VWA3B: variants seen among roughly 807,000 people sequenced by gnomAD.
VWA3B encodes von Willebrand factor A domain containing 3B.
A neutral mutation model predicts 158.3 loss-of-function variants in VWA3B; 138 were observed. The observed-to-expected ratio is 0.87, with a 90% CI of 0.76 to 1.00. The LOEUF (loss-of-function observed/expected upper bound fraction) is 1.00, where lower values mean the gene tolerates loss of function less well. Among genes scored for constraint, VWA3B ranks in the 50% least tolerant of loss-of-function variants. The pLI is 0.00. For missense variants in VWA3B, 1,555 were observed against 1,565.1 expected, an observed-to-expected ratio of 0.99 and a Z score of 0.11; for synonymous variants, 596 against 587.3, an observed-to-expected ratio of 1.01 and a Z score of -0.21.
chr2:98,280,243 G>A (rs1042455958), intron 22 of VWA3B, among the ~76,000 whole-genome samples: 2 of 152,062 alleles, frequency 1.3e-5, no homozygotes, highest in African/African-American at 4.8e-5. Flanking sequence ...CTGAGATGAC[G>A]TTGCAGGTTT....
intron 7 of VWA3B, among the ~76,000 whole-genome samples, chr2:98,143,086 CTGG>C (rs1201959355): frequency 1.3e-5 from 2 of 152,148 alleles, no homozygotes; most frequent in East Asian, 1.9e-4. Flanking sequence ...GTCACCCAGG[CTGG>C]AGTGCAGTGG....
chr2:98,136,282 A>C (rs1449327632), intron 7 of VWA3B, among the ~76,000 whole-genome samples: 3 of 152,198 alleles, frequency 2.0e-5, no homozygotes, highest in Non-Finnish European at 4.4e-5. Context: ...CTGACAGTTC[A>C]CTAGTGTTAA....
At chr2:98,154,435 G>A (rs1038667607) in intron 7 of VWA3B, among the ~76,000 whole-genome samples, 5 of 152,068 alleles carry the variant, frequency 3.3e-5, no homozygotes, top group Admixed American at 6.5e-5. Flanking sequence ...TTCCCTTAGC[G>A]CACACATTTA....
At chr2:98,108,947 A>G (rs1282747310) in intron 2 of VWA3B, among the ~76,000 whole-genome samples, 3 of 150,422 alleles carry the variant, frequency 2.0e-5, no homozygotes, top group African/African-American at 4.9e-5. Context: ...TGGGTTACCT[A>G]AACACTTTTT....
intron 24 of VWA3B, among the ~76,000 whole-genome samples, chr2:98,298,715 G>T (rs918095977): frequency 6.6e-6 from 1 of 152,360 alleles, no homozygotes; most frequent in East Asian, 1.9e-4. Flanking sequence ...TGGAACACAG[G>T]AATGAAGCTG....
At chr2:98,146,906 C>T (rs560217952) in intron 7 of VWA3B, among the ~76,000 whole-genome samples, 9 of 152,302 alleles carry the variant, frequency 5.9e-5, no homozygotes, top group African/African-American at 2.2e-4. Context: ...AAATGTGGAA[C>T]CTGATGTCTT....
intron 2 of VWA3B, among the ~76,000 whole-genome samples, chr2:98,096,919 G>A (rs776800564): frequency 1.9e-4 from 29 of 151,882 alleles, no homozygotes; most frequent in African/African-American, 3.9e-4. Context: ...TGCTCTGATC[G>A]CTAAGGTAAG....
intron 12 of VWA3B, among the ~76,000 whole-genome samples, chr2:98,203,906 G>C (rs1356035703): frequency 1.3e-5 from 2 of 151,700 alleles, no homozygotes; most frequent in Non-Finnish European, 2.9e-5. Flanking sequence ...AAAAATAAAT[G>C]GTAAAAATCA....
intron 22 of VWA3B, among the ~76,000 whole-genome samples, chr2:98,273,247 T>C (rs1271111203): frequency 6.6e-6 from 1 of 152,260 alleles, no homozygotes. Context: ...CTTAAAATTC[T>C]CTTTTTGATG....
At chr2:98,140,824 T>C (rs1302242768) in intron 7 of VWA3B, among the ~76,000 whole-genome samples, 1 of 151,940 alleles carries the variant, frequency 6.6e-6, no homozygotes, top group Non-Finnish European at 1.5e-5. Flanking sequence ...TAAGACAGAG[T>C]CACATTGAGC....
intron 24 of VWA3B, among the ~76,000 whole-genome samples, chr2:98,299,190 G>A (rs1374894165): frequency 6.6e-6 from 1 of 152,020 alleles, no homozygotes; most frequent in Non-Finnish European, 1.5e-5. Context: ...CTGCCCCCCA[G>A]ACCTTGGTGC....
chr2:98,136,216 A>T (rs954274196), intron 7 of VWA3B, among the ~76,000 whole-genome samples: 53 of 152,322 alleles, frequency 3.5e-4, no homozygotes, highest in African/African-American at 1.3e-3. Flanking sequence ...AATGTTTTTT[A>T]AAAAATTATA....
At chr2:98,298,966 A>G (rs909224341) in intron 24 of VWA3B, among the ~76,000 whole-genome samples, 1 of 152,210 alleles carries the variant, frequency 6.6e-6, no homozygotes, top group Non-Finnish European at 1.5e-5. Context: ...AATCCAAGGC[A>G]CACTCCCTTT....
intron 10 of VWA3B, among the ~76,000 whole-genome samples, chr2:98,190,718 T>A (rs886432502): frequency 3.9e-5 from 6 of 152,272 alleles, no homozygotes; most frequent in Non-Finnish European, 8.8e-5. Flanking sequence ...TGATAAGAAG[T>A]CTCCTGTCAT....
At chr2:98,218,705 G>A (rs1684237192) in intron 14 of VWA3B, among the ~76,000 whole-genome samples, 1 of 152,168 alleles carries the variant, frequency 6.6e-6, no homozygotes, top group Admixed American at 6.5e-5. Flanking sequence ...TGTGTTTTTT[G>A]TTTTATGTTC....
At chr2:98,263,102 C>T (rs1197877294) in intron 21 of VWA3B, among the ~76,000 whole-genome samples, 3 of 151,728 alleles carry the variant, frequency 2.0e-5, no homozygotes, top group African/African-American at 4.8e-5. Flanking sequence ...AGAAATGCAA[C>T]TTATTTTGTG....
chr2:98,187,842 C>A, intron 9 of VWA3B, 133 bp from the exon 10 acceptor site: 1 of 970,598 alleles, frequency 1.0e-6, no homozygotes, highest in Non-Finnish European at 1.5e-6. Context: ...TTTGGTTGAA[C>A]TAACAAAGGA....
Position 98,312,021 on chromosome 2 carries a change from C to G in VWA3B, c.3724C>G (p.Pro1242Ala). Reference protein sequence around the residue: ...SSHGSCQGTHPEPRTAHLHFP... With the variant: ...SSHGSCQGTHAEPRTAHLHFP... ...CCATGGGTCCTGCCAGGGGACACAC[C>G]CCGAGCCCAGGGTTTGGGTGATGGG... The change falls in exon 27 of 28, where the codon CCC (proline) becomes GCC (alanine). Residue 1242 changes from proline (P) to alanine (A), a missense_variant. Physicochemically the swap from Pro to Ala is conservative, Grantham distance 27. Transcript: ENST00000477737. 2 of 1,597,832 alleles carry G rather than the reference C, an allele frequency of 1.3e-6. No individual in the cohort carries two copies. Among genetic ancestry groups the G allele is most frequent in the Non-Finnish European group, 1.7e-6 (2 of 1,171,970 alleles).
In VWA3B at chr2:98,212,584, A is replaced by G. The variant is rs573882312; in HGVS notation, c.1836+556A>G. On this transcript the variant is annotated intron_variant, in intron 13 of 27. Coordinates refer to ENST00000477737, the MANE Select transcript of VWA3B (RefSeq NM_144992.5). ...GAGGAGTACTCCAGGCATTAAATAAATAGAAGGATTTTCAGGCCAGCGTAA... is the reference window on the plus strand; with the variant it reads ...GAGGAGTACTCCAGGCATTAAATAAGTAGAAGGATTTTCAGGCCAGCGTAA... Among the ~76,000 whole-genome samples the G allele has an allele frequency of 1.8e-4, 28 of 152,370 alleles. No individual in the cohort carries two copies. The South Asian group carries it at 5.6e-3, about 30-fold the overall frequency.
Sources: allele counts gnomAD v4.1 joint callset (sites outside exome capture counted in the v4.1 genomes callset), GRCh38; gene constraint gnomAD v4.1.1; transcripts MANE v1.5; gene names NCBI Gene and HGNC (gene_info 2026-07-23, HGNC 2026-07-21).